Variants in TLK1 observed in about 807,000 individuals in gnomAD.
TLK1 encodes serine/threonine-protein kinase tousled-like 1.
In TLK1, 24 loss-of-function variants were observed where a neutral mutation model predicts 105.3. That is an observed-to-expected ratio of 0.23 (90% CI 0.17 to 0.32). TLK1 has a LOEUF of 0.32. TLK1 is among the 10% of genes least tolerant of loss of function. The pLI is 1.00. For synonymous variants in TLK1, 321 were observed against 310.4 expected (o/e 1.03, Z -0.36); for missense variants, 558 against 910.5 (o/e 0.61, Z 4.98).
chr2:171,082,690 C>A (rs1688805773), intron 3 of TLK1, 91 bp downstream of exon 3: 3 of 1,035,608 alleles, frequency 2.9e-6, no homozygotes, highest in Admixed American at 4.4e-5. Context: ...TAACCTTTAG[C>A]AAAAGAACTG....
intron 1 of TLK1, among the ~76,000 whole-genome samples, chr2:171,145,279 G>C (rs1691746312): frequency 6.6e-6 from 1 of 151,690 alleles, no homozygotes; most frequent in African/African-American, 2.4e-5. Flanking sequence ...CTGCGACAGA[G>C]CAAGACACAG....
At chr2:171,057,492 A>G (rs779149778) in intron 5 of TLK1, among the ~76,000 whole-genome samples, 45 of 152,064 alleles carry the variant, frequency 3.0e-4, no homozygotes, top group Non-Finnish European at 3.5e-4. Context: ...ACTGACCTCA[A>G]CCAAAGAGCA....
intron 1 of TLK1, among the ~76,000 whole-genome samples, chr2:171,124,617 G>A (rs1690794630): frequency 6.6e-6 from 1 of 152,198 alleles, no homozygotes; most frequent in Non-Finnish European, 1.5e-5. Context: ...AATATTTTCT[G>A]CAAAGTATCT....
intron 2 of TLK1, among the ~76,000 whole-genome samples, chr2:171,116,650 A>G (rs1690442939): frequency 6.6e-6 from 1 of 151,952 alleles, no homozygotes; most frequent in Admixed American, 6.6e-5. Context: ...CAGTGAGCCA[A>G]GATCATGCCA....
intron 10 of TLK1, among the ~76,000 whole-genome samples, chr2:171,048,321 T>A (rs1290627351): frequency 6.6e-6 from 1 of 152,242 alleles, no homozygotes; most frequent in African/African-American, 2.4e-5. Flanking sequence ...TTCATATTAA[T>A]TATATAACTG....
upstream of TLK1, among the ~76,000 whole-genome samples, chr2:171,161,614 CAG>C (rs2105617434): frequency 6.6e-6 from 1 of 152,236 alleles, no homozygotes; most frequent in South Asian, 2.1e-4. Flanking sequence ...TGTTTTAAAA[CAG>C]TAAGTGGAAA....
At chr2:171,230,909 G>A (rs1268426626) in intron 1 of TLK1, among the ~76,000 whole-genome samples, 2 of 152,250 alleles carry the variant, frequency 1.3e-5, no homozygotes, top group Admixed American at 6.5e-5. Flanking sequence ...AAGTGTACCC[G>A]TATATCTGGA....
intron 1 of TLK1, among the ~76,000 whole-genome samples, chr2:171,146,813 C>G (rs1691809750): frequency 6.6e-6 from 1 of 152,130 alleles, no homozygotes; most frequent in African/African-American, 2.4e-5. Context: ...TTTTAGAAAA[C>G]TTTATTTCAC....
chr2:171,187,194 T>C (rs1442983607), intron 1 of TLK1, among the ~76,000 whole-genome samples: 1 of 151,934 alleles, frequency 6.6e-6, no homozygotes, highest in African/African-American at 2.4e-5. Flanking sequence ...GCAAAGTTCA[T>C]CTTCATTACT....
intron 3 of TLK1, among the ~76,000 whole-genome samples, chr2:171,079,246 C>T (rs1243227696): frequency 6.6e-6 from 1 of 152,218 alleles, no homozygotes; most frequent in Non-Finnish European, 1.5e-5. Flanking sequence ...GAATTCACAG[C>T]CTCTCTTAAA....
chr2:171,216,320 C>A (rs1460618458), intron 1 of TLK1, among the ~76,000 whole-genome samples: 1 of 151,854 alleles, frequency 6.6e-6, no homozygotes, highest in Non-Finnish European at 1.5e-5. Flanking sequence ...ACTAAAAATA[C>A]AAAAAATTAG....
intron 8 of TLK1, among the ~76,000 whole-genome samples, chr2:171,051,910 A>G (rs1022111524): frequency 7.9e-5 from 12 of 152,230 alleles, no homozygotes; most frequent in African/African-American, 1.4e-4. Flanking sequence ...CCATATAGAA[A>G]GAAATTGAAA....
chr2:171,049,559 C>T (rs1687134095), intron 10 of TLK1, among the ~76,000 whole-genome samples: 1 of 152,066 alleles, frequency 6.6e-6, no homozygotes, highest in South Asian at 2.1e-4. Context: ...ATCTGTAAAG[C>T]TAAAGGTTCA....
At chr2:171,108,177 T>C (rs1690014739) in intron 2 of TLK1, among the ~76,000 whole-genome samples, 1 of 152,148 alleles carries the variant, frequency 6.6e-6, no homozygotes, top group African/African-American at 2.4e-5. Context: ...GTTTACACCT[T>C]TTAAATCTAG....
chr2:171,050,648 T>A (rs1408681821), intron 8 of TLK1, among the ~76,000 whole-genome samples: 1 of 152,230 alleles, frequency 6.6e-6, no homozygotes, highest in Non-Finnish European at 1.5e-5. Context: ...CCACTGAACT[T>A]ATAAATGACA....
At chr2:171,230,494 G>A (rs895492326) in intron 1 of TLK1, among the ~76,000 whole-genome samples, 9 of 152,258 alleles carry the variant, frequency 5.9e-5, no homozygotes, top group African/African-American at 2.2e-4. Flanking sequence ...AGAGAATACA[G>A]TTTCTTCATC....
At chr2:171,067,230 G>A (rs543333022) in intron 3 of TLK1, among the ~76,000 whole-genome samples, 2 of 150,950 alleles carry the variant, frequency 1.3e-5, no homozygotes, top group African/African-American at 4.9e-5. Flanking sequence ...CACGATCTCG[G>A]CTCACTGCAA....
chr2:171,043,176 T>C (rs868331647), intron 11 of TLK1, among the ~76,000 whole-genome samples: 20 of 152,196 alleles, frequency 1.3e-4, no homozygotes, highest in South Asian at 2.1e-4. Flanking sequence ...TGAGTGGACA[T>C]TGATGCTGCG....
At chr2:171,070,789 G>A (rs986851562) in intron 3 of TLK1, among the ~76,000 whole-genome samples, 5 of 152,200 alleles carry the variant, frequency 3.3e-5, no homozygotes, top group Admixed American at 3.3e-4. Flanking sequence ...TATATATCTA[G>A]CAGTGGAATT....
Sources: gnomAD v4.1 joint callset for allele counts (sites outside exome capture counted in the v4.1 genomes callset) on GRCh38, gnomAD v4.1.1 for gene constraint, MANE v1.5 for transcripts, NCBI Gene and HGNC (gene_info 2026-07-23, HGNC 2026-07-21) for gene names.